DCPS: variants seen among roughly 807,000 people sequenced by gnomAD.
The protein encoded by DCPS is decapping enzyme, scavenger.
A neutral mutation model predicts 34.7 loss-of-function variants in DCPS; 27 were observed. The ratio of observed to expected loss-of-function variants is 0.78; its 90% CI spans 0.57 to 1.07. DCPS has a LOEUF of 1.07. Ranked by LOEUF, DCPS falls within the 50% of genes least tolerant of loss-of-function variation. DCPS has a pLI of 0.00. For missense variants in DCPS, 464 were observed against 436.9 expected (o/e 1.06, Z -0.55); for synonymous variants, 185 against 185.7 (o/e 1.00, Z 0.03).
In DCPS at chr11:126,345,740, A is replaced by G; in HGVS notation, c.*127A>G. 1 of 1,409,904 alleles carries G rather than the reference A, an allele frequency of 7.1e-7. No individual in the cohort carries two copies. The highest frequency in any genetic ancestry group is 1.4e-5 in the South Asian group (1 of 73,232). The allele number at this position is 1,409,904 out of a possible 1,614,324, so 87.3% of individuals were successfully genotyped here. A position where few individuals can be genotyped will look rare whatever the true frequency, so the allele number is the denominator to read the frequency against. ...GCTTATTCCTAGTATTGAATAAACT[A>G]GCGGGCTCACTCAGTGTGGACAGCG... On this transcript the variant is annotated 3_prime_UTR_variant, in exon 6 of 6. Coordinates refer to ENST00000263579, the MANE Select transcript of DCPS (RefSeq NM_014026.6). This position sits in a 1 kb window ranked among gnomAD's most constrained non-coding sequence, Gnocchi z 7.4.
intron 2 of DCPS, among the ~76,000 whole-genome samples, chr11:126,306,990 T>C (rs1951574875): frequency 6.6e-6 from 1 of 151,956 alleles, no homozygotes; most frequent in South Asian, 2.1e-4. Flanking sequence ...CACCTTACAA[T>C]GTACAGGACA....
At chr11:126,324,448 C>G (rs1375822261) in intron 2 of DCPS, among the ~76,000 whole-genome samples, 1 of 151,568 alleles carries the variant, frequency 6.6e-6, no homozygotes, top group Non-Finnish European at 1.5e-5. Flanking sequence ...ACACATTGTT[C>G]ATGTGCCTGT....
rs1334286127 is a variant in DCPS, at chr11:126,312,453, C to T, written c.376+5709C>T. On this transcript the variant is annotated intron_variant, in intron 2 of 5. Transcript: ENST00000263579. This position sits in a 1 kb window ranked among gnomAD's most constrained non-coding sequence, Gnocchi z 5.1. ...TCCCGGGTTCAAGCCATTCTCCTGCCTCAGCCTCCTGAGTAGCTGGGACTA... is the reference window on the plus strand; with the variant it reads ...TCCCGGGTTCAAGCCATTCTCCTGCTTCAGCCTCCTGAGTAGCTGGGACTA... Among the ~76,000 whole-genome samples, 3 of 152,244 alleles carry T rather than the reference C, an allele frequency of 2.0e-5. No homozygotes were observed. The highest frequency in any genetic ancestry group is 2.1e-4 in the South Asian group (1 of 4,820).
chr11:126,319,423 C>A lies in DCPS; in HGVS notation c.377-11982C>A, dbSNP rs527928811. Among the ~76,000 whole-genome samples the A allele has an allele frequency of 5.9e-5, 9 of 152,266 alleles. No homozygotes were observed. The South Asian group carries it at 1.9e-3, about 32-fold the overall frequency. ...CTCTTCCGTCCCTTTGTGCTCCCCCCAGAACCTGCTGTCCCGCAGCATTTG... is the reference window on the plus strand; with the variant it reads ...CTCTTCCGTCCCTTTGTGCTCCCCCAAGAACCTGCTGTCCCGCAGCATTTG... On this transcript the variant is annotated intron_variant, in intron 2 of 5. Coordinates refer to ENST00000263579, the MANE Select transcript of DCPS (RefSeq NM_014026.6). The surrounding 1 kb of genome is among the most constrained non-coding windows in gnomAD (Gnocchi z 4.5).
Position 126,345,423 on chromosome 11 carries a change from A to G in DCPS, c.824A>G (p.His275Arg), listed in dbSNP as rs1337688749. The G allele has an allele frequency of 1.2e-6, 2 of 1,613,990 alleles. No homozygotes were observed. Among genetic ancestry groups the G allele is most frequent in the Non-Finnish European group, 1.7e-6 (2 of 1,180,004 alleles). The change falls in exon 6 of 6, where the codon CAC becomes CGC. Residue 275 changes from histidine (H) to arginine (R), a missense_variant. His to Arg is a conservative substitution (Grantham distance 29). Transcript: ENST00000263579. This position sits in a 1 kb window ranked among gnomAD's most constrained non-coding sequence, Gnocchi z 7.4. Reference sequence around the variant, plus strand: ...CTGCACTACCTGCCCTCCTACTACCACCTGCATGTGCACTTCACCGCCCTG... The same window carrying G: ...CTGCACTACCTGCCCTCCTACTACCGCCTGCATGTGCACTTCACCGCCCTG... Reference protein sequence around the residue: ...VYLHYLPSYYHLHVHFTALGF... With the variant: ...VYLHYLPSYYRLHVHFTALGF...
Position 126,306,665 on chromosome 11 carries a change from G to C in DCPS, c.297G>C (p.Thr99=). The change falls in exon 2 of 6, where the codon ACG becomes ACC. Residue 99 remains threonine, a synonymous_variant. Coordinates refer to ENST00000263579, the MANE Select transcript of DCPS (RefSeq NM_014026.6). Reference sequence around the variant, plus strand: ...TGGAACAGGTGGCTCAGCTCCTGACGGGCAGCCCTGAGCTCCAGTTGCAGT... The same window carrying C: ...TGGAACAGGTGGCTCAGCTCCTGACCGGCAGCCCTGAGCTCCAGTTGCAGT... ...FQVEQVAQLL[T]GSPELQLQFS... 6.2e-7 allele frequency: 1 copy of C among 1,613,892 alleles called. No individual in the cohort carries two copies. The highest frequency in any genetic ancestry group is 8.5e-7 in the Non-Finnish European group (1 of 1,179,862).
Position 126,304,110 on chromosome 11 carries a change from G to T in DCPS, c.30G>T (p.Lys10Asn). Reference protein sequence around the residue: MADAAPQLGKRKRELDVEEA... With the variant: MADAAPQLGNRKRELDVEEA... ...CGGACGCAGCTCCTCAACTAGGCAAGAGGAAGCGCGAATTGGACGTGGAGG... is the reference window on the plus strand; with the variant it reads ...CGGACGCAGCTCCTCAACTAGGCAATAGGAAGCGCGAATTGGACGTGGAGG... The change falls in exon 1 of 6, where the codon AAG becomes AAT. Residue 10 changes from lysine (K) to asparagine (N), a missense_variant. Coordinates refer to ENST00000263579, the MANE Select transcript of DCPS (RefSeq NM_014026.6). 6.2e-7 allele frequency: 1 copy of T among 1,612,906 alleles called. No individual in the cohort carries two copies.
In DCPS at chr11:126,347,276, T is replaced by G. The variant is rs750708780; in HGVS notation, c.*1663T>G. 1.1e-3 allele frequency among the ~76,000 whole-genome samples: 168 copies of G among 146,182 alleles called. No homozygotes were observed. The highest frequency in any genetic ancestry group is 3.7e-3 in the Middle Eastern group (1 of 268). The stretch of plus-strand genomic sequence containing the variant: ...TCTCGCTCCATCACCCAGGCTGGAG[T>G]GCAGTGGCACAATCTCGACTCACTG... On this transcript the variant is annotated 3_prime_UTR_variant, in exon 6 of 6. Transcript: ENST00000263579. The surrounding 1 kb of genome is among the most constrained non-coding windows in gnomAD (Gnocchi z 4.2).
Position 126,328,418 on chromosome 11 carries a change from C to T in DCPS, c.377-2987C>T, listed in dbSNP as rs1189164149. Among the ~76,000 whole-genome samples the T allele has an allele frequency of 1.3e-5, 2 of 152,094 alleles. No individual in the cohort carries two copies. Among genetic ancestry groups the T allele is most frequent in the African/African-American group, 4.8e-5 (2 of 41,400 alleles). On this transcript the variant is annotated intron_variant, in intron 2 of 5. Transcript: ENST00000263579. The surrounding 1 kb of genome is among the most constrained non-coding windows in gnomAD (Gnocchi z 6.6). ...AGAGTCCTGCAGTCAGGTTCCCATC[C>T]CTGCAGGTGCACCTCAGGAAAGGCA...
chr11:126,338,288 G>C lies in DCPS; in HGVS notation c.525G>C (p.Trp175Cys), dbSNP rs1951848899. ...HLESQSLSIQWVYNILDKKAE... is the reference protein window; with the variant it reads ...HLESQSLSIQCVYNILDKKAE... ...CATCTCTCTCCCCCTCCTTTCAGTG[G>C]GTGTATAACATTCTCGACAAGAAGG... Residue 175 changes from tryptophan to cysteine, a missense_variant and splice_region_variant, in exon 4 of 6, where the codon TGG becomes TGC. Physicochemically the swap from Trp to Cys is radical, Grantham distance 215. Coordinates refer to ENST00000263579, the MANE Select transcript of DCPS (RefSeq NM_014026.6). This position sits in a 1 kb window ranked among gnomAD's most constrained non-coding sequence, Gnocchi z 5.4. 6.2e-7 allele frequency: 1 copy of C among 1,613,848 alleles called. No individual in the cohort carries two copies. The highest frequency in any genetic ancestry group is 1.3e-5 in the African/African-American group (1 of 74,902).
chr11:126,326,922 C>CAA (rs561227131), intron 2 of DCPS, among the ~76,000 whole-genome samples: 32 of 120,658 alleles, frequency 2.7e-4, no homozygotes, highest in African/African-American at 3.1e-4. Flanking sequence ...GACTCTGTCT[C>CAA]AAAAAAAAAA....
rs1951830341 is a variant in DCPS, at chr11:126,336,081, ACT to A, written c.523-2202_523-2201del. Among the ~76,000 whole-genome samples, 1 of 145,666 alleles carries A rather than the reference ACT, an allele frequency of 6.9e-6. No individual in the cohort carries two copies. The highest frequency in any genetic ancestry group is 1.5e-5 in the Non-Finnish European group (1 of 67,322). ...CAGTGAGCCGAAATCACGCCACTGC[ACT>A]CTAGTCTGGGCGAAAGAGCAAGACT... On this transcript the variant is annotated intron_variant, in intron 3 of 5. Transcript: ENST00000263579. This position sits in a 1 kb window ranked among gnomAD's most constrained non-coding sequence, Gnocchi z 6.3.
rs1013798118 is a variant in DCPS at position 126,313,323 on chromosome 11, C to G, written c.376+6579C>G. Among the ~76,000 whole-genome samples the G allele has an allele frequency of 1.3e-5, 2 of 152,140 alleles. No homozygotes were observed. Among genetic ancestry groups the G allele is most frequent in the African/African-American group, 2.4e-5 (1 of 41,428 alleles). On this transcript the variant is annotated intron_variant, in intron 2 of 5. Transcript: ENST00000263579. This position sits in a 1 kb window ranked among gnomAD's most constrained non-coding sequence, Gnocchi z 4.9. ...CTGTGCTATTTGCAGAGGCAAAACCCGGACCTCCTGAGGGAGGGGTGAGGA... is the reference window on the plus strand; with the variant it reads ...CTGTGCTATTTGCAGAGGCAAAACCGGGACCTCCTGAGGGAGGGGTGAGGA...
rs1021698664 is a variant in DCPS, at chr11:126,327,815, C to G, written c.377-3590C>G. 1.1e-4 allele frequency among the ~76,000 whole-genome samples: 16 copies of G among 152,238 alleles called. No individual in the cohort carries two copies. The highest frequency in any genetic ancestry group is 1.8e-4 in the Non-Finnish European group (12 of 68,050). On this transcript the variant is annotated intron_variant, in intron 2 of 5. Coordinates refer to ENST00000263579, the MANE Select transcript of DCPS (RefSeq NM_014026.6). The surrounding 1 kb of genome is among the most constrained non-coding windows in gnomAD (Gnocchi z 4.1). ...GTATTTACTGAGTGCTTACTGTATG[C>G]CAGGCACTATTCCAGGTGCTGGGGA...
Position 126,320,495 on chromosome 11 carries a change from A to G in DCPS, c.377-10910A>G, listed in dbSNP as rs1951697782. 2.6e-5 allele frequency among the ~76,000 whole-genome samples: 4 copies of G among 152,200 alleles called. No individual in the cohort carries two copies. The highest frequency in any genetic ancestry group is 9.7e-5 in the African/African-American group (4 of 41,442). On this transcript the variant is annotated intron_variant, in intron 2 of 5. Transcript: ENST00000263579. The surrounding 1 kb of genome is among the most constrained non-coding windows in gnomAD (Gnocchi z 4.7). ...TGATATTAAAGGAATATTCTTAAAA[A>G]AAAATTAACCCATCAAGACTACAAG...
At chr11:126,316,493 C>CT (rs918551635) in intron 2 of DCPS, among the ~76,000 whole-genome samples, 5 of 152,040 alleles carry the variant, frequency 3.3e-5, no homozygotes, top group African/African-American at 1.2e-4. Flanking sequence ...CCAGAAAGCT[C>CT]TTTCCTGCTT....
At chr11:126,304,796 G>A (rs1363301622) in intron 1 of DCPS, among the ~76,000 whole-genome samples, 2 of 152,244 alleles carry the variant, frequency 1.3e-5, no homozygotes, top group Non-Finnish European at 2.9e-5. Context: ...ATGTGGAGAC[G>A]AAAGTTACCA....
rs747057647 is a variant in DCPS at position 126,345,369 on chromosome 11, G to A, written c.770G>A (p.Arg257Gln). 6.4e-5 allele frequency: 103 copies of A among 1,614,048 alleles called. No individual in the cohort carries two copies. The East Asian group carries it at 2.0e-3, about 32-fold the overall frequency. ...CAGGAGGCCATCCTGCAGCGCTACCGGATGAAGGGAGACCATCTGCGAGTA... is the reference window on the plus strand; with the variant it reads ...CAGGAGGCCATCCTGCAGCGCTACCAGATGAAGGGAGACCATCTGCGAGTA... The part of the protein sequence containing the change: ...QGQEAILQRY[R>Q]MKGDHLRVYL... The change falls in exon 6 of 6, where the codon CGG becomes CAG. Residue 257 changes from arginine (R) to glutamine (Q), a missense_variant. Coordinates refer to ENST00000263579, the MANE Select transcript of DCPS (RefSeq NM_014026.6). The surrounding 1 kb of genome is among the most constrained non-coding windows in gnomAD (Gnocchi z 7.4).
rs1951852657 is a variant in DCPS, at chr11:126,338,487, C to G, written c.636+88C>G. On this transcript the variant is annotated intron_variant, in intron 4 of 5. Transcript: ENST00000263579. The surrounding 1 kb of genome is among the most constrained non-coding windows in gnomAD (Gnocchi z 5.4). ...TGACTGCCCTCTTTCTCACGCTGGCCTGTCTCTAAGCAGATTATAATTAAC... is the reference window on the plus strand; with the variant it reads ...TGACTGCCCTCTTTCTCACGCTGGCGTGTCTCTAAGCAGATTATAATTAAC... 1 of 1,219,806 alleles carries G rather than the reference C, an allele frequency of 8.2e-7. No homozygotes were observed. The highest frequency in any genetic ancestry group is 2.3e-5 in the East Asian group (1 of 42,816). The allele number at this position is 1,219,806 out of a possible 1,614,324, so 75.6% of individuals were successfully genotyped here.
Sources: gnomAD v4.1 joint callset for allele counts (sites outside exome capture counted in the v4.1 genomes callset) on GRCh38, gnomAD v4.1.1 for gene constraint, Gnocchi (gnomAD v3.1) non-coding constraint, MANE v1.5 for transcripts, NCBI Gene and HGNC (gene_info 2026-07-23, HGNC 2026-07-21) for gene names.